UBLCP1: variants seen among roughly 807,000 people sequenced by gnomAD.
UBLCP1 encodes ubiquitin like domain containing CTD phosphatase 1.
UBLCP1 carries 28 observed loss-of-function variants against 42.4 expected under a neutral mutation model. The ratio of observed to expected loss-of-function variants is 0.66; its 90% confidence interval spans 0.49 to 0.90. UBLCP1 has a LOEUF of 0.90. UBLCP1 is among the 40% of genes least tolerant of loss of function. The pLI is 0.00. For synonymous variants in UBLCP1, 122 were observed against 120.8 expected, an observed-to-expected ratio of 1.01 and a Z score of -0.07; for missense variants, 279 against 374.5, an observed-to-expected ratio of 0.75 and a Z score of 2.10.
At chr5:159,278,863 C>T (rs1334985862) in intron 9 of UBLCP1, among the ~76,000 whole-genome samples, 4 of 152,146 alleles carry the variant, frequency 2.6e-5, no homozygotes, top group African/African-American at 7.2e-5. Flanking sequence ...TGAGCCACTG[C>T]GCCCGGCCCA....
chr5:159,268,961 G>C lies in UBLCP1; in HGVS notation c.46G>C (p.Val16Leu), dbSNP rs1389500500. ...IVKWGGQEYS[V>L]TTLSEDDTVL... ...AAAATGGGGTGGACAGGAGTATTCA[G>C]TGACCACACTTTCAGAAGATGATAC... Residue 16 changes from valine to leucine, a missense_variant, in exon 2 of 11, where the codon GTG becomes CTG. Physicochemically the swap from Val to Leu is conservative, Grantham distance 32. Coordinates refer to ENST00000296786, the MANE Select transcript of UBLCP1 (RefSeq NM_145049.5). The C allele has an allele frequency of 6.2e-7, 1 of 1,611,832 alleles. No homozygotes were observed. Among genetic ancestry groups the C allele is most frequent in the South Asian group, 1.1e-5 (1 of 90,550 alleles).
At chr5:159,272,883 C>G (rs948749587) in intron 6 of UBLCP1, among the ~76,000 whole-genome samples, 2 of 152,172 alleles carry the variant, frequency 1.3e-5, no homozygotes, top group East Asian at 3.9e-4. Flanking sequence ...GCAAGATTTT[C>G]TTGGAAAATG....
At position 159,268,823 on chromosome 5, in the gene UBLCP1, A is replaced by G. The variant is rs949892056; in HGVS notation, c.-46-47A>G. The G allele has an allele frequency of 4.3e-6, 6 of 1,410,270 alleles. No individual in the cohort carries two copies. The African/African-American group carries it at 4.4e-5, about 10-fold the overall frequency. The allele number at this position is 1,410,270 out of a possible 1,614,324, so 87.4% of individuals were successfully genotyped here. On this transcript the variant is annotated intron_variant, in intron 1 of 10. Coordinates refer to ENST00000296786, the MANE Select transcript of UBLCP1 (RefSeq NM_145049.5). ...CATAAAACTTAAAAGTTTGGCTTCAATAAACAGTATCTATTTTAACTTGTT... is the reference window on the plus strand; with the variant it reads ...CATAAAACTTAAAAGTTTGGCTTCAGTAAACAGTATCTATTTTAACTTGTT...
rs750755638 is a variant in UBLCP1 at position 159,270,662 on chromosome 5, C to T, written c.448+19C>T. ...TTATTTGGTAAGTCAGTTAAGAATG[C>T]TTTTCATTTTCTGTTACCCACAACA... is the stretch of plus-strand genomic sequence containing the variant. On this transcript the variant is annotated intron_variant, in intron 5 of 10. Coordinates refer to ENST00000296786, the MANE Select transcript of UBLCP1 (RefSeq NM_145049.5). The T allele has an allele frequency of 6.9e-7, 1 of 1,455,848 alleles. No individual in the cohort carries two copies. Among genetic ancestry groups the T allele is most frequent in the Non-Finnish European group, 9.3e-7 (1 of 1,080,656 alleles). 90.2% of individuals were successfully genotyped at this position (1,455,848 alleles called of 1,614,324 possible). A position where few individuals can be genotyped will look rare whatever the true frequency, so the allele number is the denominator to read the frequency against.
At chr5:159,284,790 A>G (rs2113325352) in intron 10 of UBLCP1, 114 bp from the exon 11 acceptor site, 2 of 1,038,566 alleles carry the variant, frequency 1.9e-6, no homozygotes, top group South Asian at 2.6e-5. Context: ...ACTATTAAGA[A>G]TACTCATCTT....
At chr5:159,269,110 T>A in intron 2 of UBLCP1, 41 bp downstream of exon 2, 1 of 1,408,060 alleles carries the variant, frequency 7.1e-7, no homozygotes, top group Non-Finnish European at 9.5e-7. Context: ...ATTGAATTTT[T>A]AGTATTATGA....
In UBLCP1 at chr5:159,267,441, G is replaced by T. The variant is rs1466408688; in HGVS notation, c.-46-1429G>T. On this transcript the variant is annotated intron_variant, in intron 1 of 10. Coordinates refer to ENST00000296786, the MANE Select transcript of UBLCP1 (RefSeq NM_145049.5). ...TAAATAGCTTTCTTTTGATTTTACA[G>T]GCTCATAGGCAGAAAGGACTTAACT... is the stretch of plus-strand genomic sequence containing the variant. Among the ~76,000 whole-genome samples the T allele has an allele frequency of 7.2e-5, 11 of 152,150 alleles. 1 individual carries two copies. The highest frequency in any genetic ancestry group is 7.2e-4 in the Admixed American group (11 of 15,280).
chr5:159,275,794 A>G (rs557157009), intron 8 of UBLCP1, among the ~76,000 whole-genome samples: 2 of 152,322 alleles, frequency 1.3e-5, no homozygotes, highest in South Asian at 4.1e-4. Context: ...GATTGTGGGT[A>G]ATTGACCTGT....
intron 1 of UBLCP1, among the ~76,000 whole-genome samples, chr5:159,264,389 T>A (rs1177398386): frequency 6.6e-6 from 1 of 152,266 alleles, no homozygotes; most frequent in African/African-American, 2.4e-5. Flanking sequence ...AAATAGCTCA[T>A]GCATTTATAT....
rs375490262 is a variant in UBLCP1, at chr5:159,278,395, G to A, written c.801+41G>A. 3.0e-5 allele frequency: 41 copies of A among 1,381,602 alleles called. No individual in the cohort carries two copies. The South Asian group carries it at 4.6e-4, about 16-fold the overall frequency. 85.6% of individuals were successfully genotyped at this position (1,381,602 alleles called of 1,614,324 possible). A position where few individuals can be genotyped will look rare whatever the true frequency, so the allele number is the denominator to read the frequency against. ...ACTTGTTATGTGCTCATGTAATCTG[G>A]GCTGTGTGGTAGAACTTTTGTAGTA... On this transcript the variant is annotated intron_variant, in intron 9 of 10. Transcript: ENST00000296786.
In UBLCP1 at chr5:159,264,775, C is replaced by T. The variant is rs1351060341; in HGVS notation, c.-47+1415C>T. Among the ~76,000 whole-genome samples, 3 of 152,214 alleles carry T rather than the reference C, an allele frequency of 2.0e-5. No individual in the cohort carries two copies. In the East Asian group the frequency reaches 5.8e-4, roughly 29 times the overall value. On this transcript the variant is annotated intron_variant, in intron 1 of 10. Transcript: ENST00000296786. ...TTTCTACCAAATTACCAAGTGAGGT[C>T]AATGCTGTTCGTTAGCCCAGGGACC...
In UBLCP1 at chr5:159,264,908, G is replaced by A. The variant is rs138804415; in HGVS notation, c.-47+1548G>A. 8.1e-4 allele frequency among the ~76,000 whole-genome samples: 124 copies of A among 152,276 alleles called. 1 individual carries two copies. The East Asian group carries it at 8.9e-3, about 11-fold the overall frequency. ...CACTACTACGCATCACAATATATGC[G>A]ATATTAGTGCTGGTTGCCTTTCTAG... On this transcript the variant is annotated intron_variant, in intron 1 of 10. Coordinates refer to ENST00000296786, the MANE Select transcript of UBLCP1 (RefSeq NM_145049.5).
chr5:159,278,142 T>C (rs1753560905), intron 8 of UBLCP1, 96 bp from the exon 9 acceptor site: 1 of 780,474 alleles, frequency 1.3e-6, no homozygotes. Flanking sequence ...AGGAACACTT[T>C]GGCATTGTTC....
chr5:159,285,509 A>G lies in UBLCP1; in HGVS notation c.*578A>G, dbSNP rs1188873186. The G allele has an allele frequency of 6.5e-6, 1 of 152,960 alleles. No individual in the cohort carries two copies. Among genetic ancestry groups the G allele is most frequent in the Non-Finnish European group, 1.5e-5 (1 of 68,574 alleles). 9.5% of individuals were successfully genotyped at this position (152,960 alleles called of 1,614,324 possible). A position where few individuals can be genotyped will look rare whatever the true frequency, so the allele number is the denominator to read the frequency against. On this transcript the variant is annotated 3_prime_UTR_variant, in exon 11 of 11. Coordinates refer to ENST00000296786, the MANE Select transcript of UBLCP1 (RefSeq NM_145049.5). ...CACAATTTCTCTTCTGTATGCCACT[A>G]GTTACATTTCTAAATTCTGAGCGGT...
intron 10 of UBLCP1, 55 bp downstream of exon 10, chr5:159,283,394 C>T (rs1753630649): frequency 7.0e-6 from 10 of 1,421,424 alleles, no homozygotes; most frequent in Non-Finnish European, 8.6e-6. Context: ...AAAAAATTAT[C>T]ATTTTTCATC....
At chr5:159,277,527 T>C (rs1403420927) in intron 8 of UBLCP1, among the ~76,000 whole-genome samples, 2 of 152,210 alleles carry the variant, frequency 1.3e-5, no homozygotes, top group African/African-American at 4.8e-5. Flanking sequence ...AAGTACATAA[T>C]GAAAAGTCAT....
chr5:159,263,570 G>C (rs1753331131), intron 1 of UBLCP1, among the ~76,000 whole-genome samples: 1 of 152,242 alleles, frequency 6.6e-6, no homozygotes, highest in Non-Finnish European at 1.5e-5. Context: ...TATTTGGAGG[G>C]CTTTCTGTTT....
chr5:159,270,137 G>A, intron 3 of UBLCP1, 138 bp downstream of exon 3: 3 of 778,258 alleles, frequency 3.9e-6, no homozygotes, highest in Admixed American at 6.0e-5. Flanking sequence ...CCGTGAATGT[G>A]TTATTAACTG....
chr5:159,266,114 C>G (rs994344555), intron 1 of UBLCP1, among the ~76,000 whole-genome samples: 4 of 152,172 alleles, frequency 2.6e-5, no homozygotes, highest in Non-Finnish European at 4.4e-5. Flanking sequence ...GAGGTTGGAA[C>G]AGTTTGGAGG....
Sources: gnomAD v4.1 joint callset for allele counts (sites outside exome capture counted in the v4.1 genomes callset) on GRCh38, gnomAD v4.1.1 for gene constraint, MANE v1.5 for transcripts, NCBI Gene and HGNC (gene_info 2026-07-23, HGNC 2026-07-21) for gene names.